The following NIPAL2 variants were observed in gnomAD, a reference collection of about 807,000 sequenced individuals.
NIPAL2 encodes the protein NIPA like domain containing 2.
In NIPAL2, 43 loss-of-function variants were observed where a neutral mutation model predicts 48.9. That is an observed-to-expected ratio of 0.88 (90% confidence interval 0.69 to 1.13). The LOEUF (loss-of-function observed/expected upper bound fraction) is 1.13. Ranked by LOEUF, NIPAL2 falls within the 50% of genes most tolerant of loss-of-function variation. The pLI, the probability that NIPAL2 is intolerant of heterozygous loss-of-function variation, is 0.00. For missense variants in NIPAL2, 446 were observed against 461.4 expected (o/e 0.97, Z 0.31); for synonymous variants, 167 against 174.6 (o/e 0.96, Z 0.34).
chr8:98,231,772 A>G (rs572522062), intron 4 of NIPAL2: 2 of 152,326 alleles, frequency 1.3e-5, no homozygotes, highest in South Asian at 2.1e-4. Flanking sequence ...ACAGAGTAAC[A>G]TTTGGCAATA....
chr8:98,270,634 T>C lies in NIPAL2; in HGVS notation c.136-16547A>G, dbSNP rs143288241. On this transcript the variant is annotated intron_variant, in intron 1 of 10. Coordinates refer to ENST00000430223, the MANE Select transcript of NIPAL2 (RefSeq NM_001321635.2). ...GTCAGATGCATAGTTTGCAAGTATTTTTTTCTTTCTATAGGTTTTTTATTC... is the reference window on the plus strand; with the variant it reads ...GTCAGATGCATAGTTTGCAAGTATTCTTTTCTTTCTATAGGTTTTTTATTC... Among the ~76,000 whole-genome samples the C allele has an allele frequency of 9.2e-5, 14 of 152,254 alleles. 1 individual carries two copies. The East Asian group carries it at 2.3e-3, about 25-fold the overall frequency.
intron 1 of NIPAL2, among the ~76,000 whole-genome samples, chr8:98,264,123 T>C (rs1307022856): frequency 2.0e-5 from 3 of 152,072 alleles, no homozygotes; most frequent in Non-Finnish European, 2.9e-5. Flanking sequence ...ATTGATGGGA[T>C]GTATGTCAAA....
At chr8:98,207,942 T>A (rs549365341) in intron 6 of NIPAL2, among the ~76,000 whole-genome samples, 10 of 152,276 alleles carry the variant, frequency 6.6e-5, no homozygotes, top group East Asian at 1.9e-4. Flanking sequence ...ATTTTTTTTT[T>A]AACTATTAAA....
At chr8:98,249,754 A>G (rs1813492199) in intron 3 of NIPAL2, among the ~76,000 whole-genome samples, 1 of 147,502 alleles carries the variant, frequency 6.8e-6, no homozygotes, top group African/African-American at 2.5e-5. Context: ...TTTAATACAA[A>G]TATATTAAAT....
chr8:98,199,715 G>A lies in NIPAL2; in HGVS notation c.880+3393C>T, dbSNP rs527384610. 3.3e-5 allele frequency among the ~76,000 whole-genome samples: 5 copies of A among 152,240 alleles called. No individual in the cohort carries two copies. In the South Asian group the frequency reaches 1.0e-3, roughly 32 times the overall value. ...AAGAATTACTAAAACGTGACACAGA[G>A]ATATGAAGTGAGGACATGCTGTTGG... On this transcript the variant is annotated intron_variant, in intron 8 of 10. Coordinates refer to ENST00000430223, the MANE Select transcript of NIPAL2 (RefSeq NM_001321635.2).
intron 1 of NIPAL2, among the ~76,000 whole-genome samples, chr8:98,272,616 CTTTT>C (rs1222984441): frequency 7.1e-6 from 1 of 140,476 alleles, no homozygotes; most frequent in Non-Finnish European, 1.6e-5. Context: ...TGTGTGCTAT[CTTTT>C]TTTTTTTTTT....
chr8:98,278,439 T>C (rs1815608496), intron 1 of NIPAL2, among the ~76,000 whole-genome samples: 1 of 152,190 alleles, frequency 6.6e-6, no homozygotes, highest in South Asian at 2.1e-4. Flanking sequence ...TTAGGTCTTT[T>C]CATTCTAACC....
At chr8:98,258,047 G>C (rs1425455822) in intron 1 of NIPAL2, among the ~76,000 whole-genome samples, 1 of 152,172 alleles carries the variant, frequency 6.6e-6, no homozygotes, top group Non-Finnish European at 1.5e-5. Flanking sequence ...ATTTGGCTCA[G>C]AATAAATCTC....
At chr8:98,260,636 G>C (rs1204175245) in intron 1 of NIPAL2, among the ~76,000 whole-genome samples, 2 of 152,098 alleles carry the variant, frequency 1.3e-5, no homozygotes, top group South Asian at 2.1e-4. Flanking sequence ...CTACGCCCAC[G>C]GAGTCTCGCT....
chr8:98,217,607 C>T lies in NIPAL2; in HGVS notation c.558+4872G>A, dbSNP rs534927766. Among the ~76,000 whole-genome samples the T allele has an allele frequency of 7.2e-5, 11 of 152,292 alleles. No homozygotes were observed. In the East Asian group the frequency reaches 2.1e-3, roughly 29 times the overall value. On this transcript the variant is annotated intron_variant, in intron 5 of 10. Coordinates refer to ENST00000430223, the MANE Select transcript of NIPAL2 (RefSeq NM_001321635.2). ...TGTTTAACAGATTCAAACCAAATTT[C>T]AGCTCACAATCTTAGTATAAAATTC...
chr8:98,267,211 T>C (rs571360498), intron 1 of NIPAL2, among the ~76,000 whole-genome samples: 3 of 152,350 alleles, frequency 2.0e-5, no homozygotes, highest in African/African-American at 7.2e-5. Flanking sequence ...CTACCAATTA[T>C]AATTTTTTTA....
intron 1 of NIPAL2, among the ~76,000 whole-genome samples, chr8:98,264,752 C>T (rs1273163770): frequency 6.6e-6 from 1 of 151,874 alleles, no homozygotes; most frequent in Non-Finnish European, 1.5e-5. Flanking sequence ...GCTACCAATG[C>T]CTTTCTTCAT....
chr8:98,201,715 A>G (rs1586295533), intron 8 of NIPAL2, among the ~76,000 whole-genome samples: 1 of 152,336 alleles, frequency 6.6e-6, no homozygotes, highest in Admixed American at 6.5e-5. Flanking sequence ...AATAATTCTA[A>G]GACACATCAA....
At chr8:98,286,017 G>T (rs1816134972) in intron 1 of NIPAL2, among the ~76,000 whole-genome samples, 1 of 152,272 alleles carries the variant, frequency 6.6e-6, no homozygotes, top group African/African-American at 2.4e-5. Context: ...AGGTGATGAG[G>T]TCATGAGGGC....
chr8:98,283,696 C>G (rs1369494517), intron 1 of NIPAL2, among the ~76,000 whole-genome samples: 2 of 152,184 alleles, frequency 1.3e-5, no homozygotes, highest in Admixed American at 1.3e-4. Context: ...CTGTCAGCTG[C>G]AATGCTCTAC....
chr8:98,259,635 A>C (rs972370536), intron 1 of NIPAL2, among the ~76,000 whole-genome samples: 1 of 152,198 alleles, frequency 6.6e-6, no homozygotes, highest in African/African-American at 2.4e-5. Flanking sequence ...AATGCAGCGA[A>C]AGTACGCTAG....
intron 4 of NIPAL2, among the ~76,000 whole-genome samples, chr8:98,234,396 C>A (rs983300902): frequency 6.6e-6 from 1 of 152,110 alleles, no homozygotes; most frequent in African/African-American, 2.4e-5. Flanking sequence ...TCATTAAATA[C>A]CTTAGATTAA....
chr8:98,241,619 A>G (rs1038815387), intron 3 of NIPAL2, among the ~76,000 whole-genome samples: 5 of 152,244 alleles, frequency 3.3e-5, no homozygotes, highest in Non-Finnish European at 7.3e-5. Context: ...GAAAACTGGA[A>G]TAATCTAAAC....
chr8:98,289,514 C>CTT (rs57283132), intron 1 of NIPAL2, among the ~76,000 whole-genome samples: 2 of 145,982 alleles, frequency 1.4e-5, no homozygotes, highest in African/African-American at 2.5e-5. Flanking sequence ...CTTCTTCTTG[C>CTT]TTTTTTTTTT....
Sources: allele counts gnomAD v4.1 joint callset (sites outside exome capture counted in the v4.1 genomes callset), GRCh38; gene constraint gnomAD v4.1.1; transcripts MANE v1.5; gene names NCBI Gene and HGNC (gene_info 2026-07-23, HGNC 2026-07-21).